Variants in NFIA observed in about 807,000 individuals in gnomAD.
NFIA encodes nuclear factor I A, also known as nuclear factor 1 A-type.
In NFIA, 8 loss-of-function variants were observed where a neutral mutation model predicts 62.8. That is an observed-to-expected ratio of 0.13 (90% confidence interval 0.07 to 0.23). The LOEUF (loss-of-function observed/expected upper bound fraction) is 0.23, where lower values mean the gene tolerates loss of function less well. Ranked by LOEUF, NFIA falls within the 10% of genes least tolerant of loss-of-function variation. The pLI, the probability that NFIA is intolerant of heterozygous loss-of-function variation, is 1.00. For missense variants in NFIA, 410 were observed against 642.1 expected (o/e 0.64, Z 3.91); for synonymous variants, 235 against 238.1 (o/e 0.99, Z 0.12).
chr1:61,305,188 A>T (rs1224269948), intron 3 of NFIA, among the ~76,000 whole-genome samples: 2 of 152,144 alleles, frequency 1.3e-5, no homozygotes, highest in African/African-American at 4.8e-5. Flanking sequence ...CAGGTAGAAA[A>T]TGGAGATATG....
At chr1:61,201,169 C>A (rs534306597) in intron 2 of NFIA, among the ~76,000 whole-genome samples, 26 of 152,220 alleles carry the variant, frequency 1.7e-4, no homozygotes, top group African/African-American at 6.3e-4. Flanking sequence ...GTATCACATA[C>A]CCTGATAGCG....
chr1:61,088,614 C>A lies in NFIA; in HGVS notation c.493C>A (p.Pro165Thr). The change falls in exon 2 of 11, where the codon CCC (proline) becomes ACC (threonine). Residue 165 changes from proline to threonine, a missense_variant. Coordinates refer to ENST00000403491, the MANE Select transcript of NFIA (RefSeq NM_001134673.4). This position sits in a 1 kb window ranked among gnomAD's most constrained non-coding sequence, Gnocchi z 4.5. Reference protein sequence around the residue: ...QCSNPGLCVQPHHIGVSVKEL... With the variant: ...QCSNPGLCVQTHHIGVSVKEL... ...CTCTAATCCAGGGCTCTGTGTCCAA[C>A]CCCATCACATAGGGGTTTCTGTTAA... 1 of 1,614,114 alleles carries A rather than the reference C, an allele frequency of 6.2e-7. No individual in the cohort carries two copies. Among genetic ancestry groups the A allele is most frequent in the Non-Finnish European group, 8.5e-7 (1 of 1,180,000 alleles).
chr1:61,144,484 G>A (rs763620463), intron 2 of NFIA, among the ~76,000 whole-genome samples: 8 of 152,146 alleles, frequency 5.3e-5, no homozygotes, highest in Non-Finnish European at 1.0e-4. Context: ...CAGATGCTGG[G>A]CCTCTATGGG....
intron 4 of NFIA, among the ~76,000 whole-genome samples, chr1:61,341,925 C>A (rs1661941797): frequency 6.6e-6 from 1 of 152,138 alleles, no homozygotes; most frequent in African/African-American, 2.4e-5. Flanking sequence ...TATTACCCTG[C>A]AGTAGGGCCA....
At chr1:61,290,402 T>A (rs1658803809) in intron 3 of NFIA, among the ~76,000 whole-genome samples, 1 of 152,350 alleles carries the variant, frequency 6.6e-6, no homozygotes, top group East Asian at 1.9e-4. Flanking sequence ...CCTTTCATTT[T>A]AGATTTCTGA....
At chr1:61,225,185 T>A (rs1654252620) in intron 2 of NFIA, among the ~76,000 whole-genome samples, 1 of 151,938 alleles carries the variant, frequency 6.6e-6, no homozygotes, top group Non-Finnish European at 1.5e-5. Context: ...GGAAATTGAT[T>A]TGAAGGTTTT....
chr1:61,393,926 G>A (rs528262789), intron 7 of NFIA, among the ~76,000 whole-genome samples: 3 of 152,198 alleles, frequency 2.0e-5, no homozygotes, highest in South Asian at 4.2e-4. Flanking sequence ...AAAACAGTTC[G>A]GCTCTTGATT....
At chr1:61,115,662 G>T (rs1369141187) in intron 2 of NFIA, among the ~76,000 whole-genome samples, 1 of 152,200 alleles carries the variant, frequency 6.6e-6, no homozygotes, top group Non-Finnish European at 1.5e-5. Context: ...TTCCATCCTT[G>T]TTCCTTCAGC....
At chr1:61,191,594 T>C (rs943520738) in intron 2 of NFIA, among the ~76,000 whole-genome samples, 1 of 152,176 alleles carries the variant, frequency 6.6e-6, no homozygotes, top group Admixed American at 6.5e-5. Context: ...GCTGTGTAGA[T>C]AGTAGCTCTG....
chr1:61,431,230 A>G (rs558678788), intron 10 of NFIA, among the ~76,000 whole-genome samples: 18 of 152,332 alleles, frequency 1.2e-4, no homozygotes, highest in African/African-American at 2.4e-4. Context: ...GCGTTTACTT[A>G]AAGAAAAAAA....
chr1:61,151,011 C>T (rs531759627), intron 2 of NFIA, among the ~76,000 whole-genome samples: 25 of 152,228 alleles, frequency 1.6e-4, no homozygotes, highest in African/African-American at 6.0e-4. Context: ...CAGTGCAAGA[C>T]CAGTTGATGT....
At chr1:61,416,884 G>A (rs979558431) in intron 9 of NFIA, among the ~76,000 whole-genome samples, 4 of 152,206 alleles carry the variant, frequency 2.6e-5, no homozygotes, top group Admixed American at 6.5e-5. Context: ...ATATCATGCA[G>A]CTTTCCTTTG....
chr1:61,449,116 A>G (rs952455187), intron 10 of NFIA, among the ~76,000 whole-genome samples: 3 of 152,176 alleles, frequency 2.0e-5, no homozygotes, highest in South Asian at 2.1e-4. Context: ...ACTATTGCAC[A>G]TGCTACTGAC....
In NFIA at chr1:61,461,175, C is replaced by G. The variant is rs1054701431; in HGVS notation, c.*5855C>G. 1 of 152,068 alleles carries G rather than the reference C, an allele frequency of 6.6e-6. No individual in the cohort carries two copies. Among genetic ancestry groups the G allele is most frequent in the South Asian group, 2.1e-4 (1 of 4,818 alleles). 9.4% of individuals were successfully genotyped at this position (152,068 alleles called of 1,614,324 possible). ...CAAGTCAGGGGCATTTTCCTTGACCCTTGACTGATGCTATGCGGAGACTGA... is the reference window on the plus strand; with the variant it reads ...CAAGTCAGGGGCATTTTCCTTGACCGTTGACTGATGCTATGCGGAGACTGA... On this transcript the variant is annotated 3_prime_UTR_variant, in exon 11 of 11. Coordinates refer to ENST00000403491, the MANE Select transcript of NFIA (RefSeq NM_001134673.4).
intron 1 of NFIA, among the ~76,000 whole-genome samples, chr1:61,083,459 C>A (rs1369872636): frequency 6.6e-6 from 1 of 152,056 alleles, no homozygotes; most frequent in Non-Finnish European, 1.5e-5. Context: ...ACGCGGGCTC[C>A]CGTCCCGGCC....
At chr1:61,363,632 A>G (rs912900768) in intron 6 of NFIA, among the ~76,000 whole-genome samples, 2 of 151,910 alleles carry the variant, frequency 1.3e-5, no homozygotes, top group South Asian at 4.1e-4. Context: ...ATAAGAAACA[A>G]TAAATAACTC....
chr1:61,438,272 T>C (rs1233023781), intron 10 of NFIA, among the ~76,000 whole-genome samples: 1 of 152,172 alleles, frequency 6.6e-6, no homozygotes, highest in Non-Finnish European at 1.5e-5. Flanking sequence ...TAGAGTTATG[T>C]AAAGACTCAG....
At chr1:61,288,349 A>G (rs1658643425) in intron 3 of NFIA, among the ~76,000 whole-genome samples, 1 of 152,238 alleles carries the variant, frequency 6.6e-6, no homozygotes, top group African/African-American at 2.4e-5. Flanking sequence ...TGATAAATGT[A>G]TATGTTTTCA....
rs1454688718 is a variant in NFIA, at chr1:61,462,385, C to T, written c.*7065C>T. The T allele has an allele frequency of 6.6e-6, 1 of 152,160 alleles. No individual in the cohort carries two copies. The highest frequency in any genetic ancestry group is 1.5e-5 in the Non-Finnish European group (1 of 68,062). 9.4% of individuals were successfully genotyped at this position (152,160 alleles called of 1,614,324 possible). ...CATGGAAATCTGTCCACTCGGAATA[C>T]CTCTGTTTTCCATTTCAAATTGTAG... On this transcript the variant is annotated 3_prime_UTR_variant, in exon 11 of 11. Coordinates refer to ENST00000403491, the MANE Select transcript of NFIA (RefSeq NM_001134673.4).
Sources: allele counts gnomAD v4.1 joint callset (sites outside exome capture counted in the v4.1 genomes callset), GRCh38; gene constraint gnomAD v4.1.1; non-coding constraint Gnocchi (gnomAD v3.1); transcripts MANE v1.5; gene names NCBI Gene and HGNC (gene_info 2026-07-23, HGNC 2026-07-21).